Variants in CAMK1D observed in about 807,000 individuals in gnomAD.
CAMK1D encodes the protein calcium/calmodulin dependent protein kinase ID.
In CAMK1D, 9 loss-of-function variants were observed where a neutral mutation model predicts 47.7. That is an observed-to-expected ratio of 0.19 (90% CI 0.11 to 0.33). The LOEUF (loss-of-function observed/expected upper bound fraction) is 0.33, where lower values mean the gene tolerates loss of function less well. CAMK1D is among the 10% of genes least tolerant of loss of function. The probability of loss-of-function intolerance (pLI) is 1.00; values close to 1 mark genes in which losing one functional copy is unlikely to be tolerated. For missense variants in CAMK1D, 291 were observed against 488.7 expected (o/e 0.60, Z 3.81); for synonymous variants, 184 against 184.9 (o/e 0.99, Z 0.04).
At chr10:12,801,895 C>T (rs1012959778) in intron 6 of CAMK1D, among the ~76,000 whole-genome samples, 1 of 152,220 alleles carries the variant, frequency 6.6e-6, no homozygotes, top group African/African-American at 2.4e-5. Flanking sequence ...CCCAGTGTCA[C>T]TCACACAGTT....
intron 5 of CAMK1D, 118 bp downstream of exon 5, chr10:12,769,917 G>A: frequency 4.4e-6 from 5 of 1,124,754 alleles, no homozygotes; most frequent in Non-Finnish European, 6.4e-6. Context: ...TGTAATCACA[G>A]CTGCCTTCAC....
intron 6 of CAMK1D, among the ~76,000 whole-genome samples, chr10:12,810,717 C>G (rs7906777): frequency 3.3e-5 from 5 of 152,232 alleles, no homozygotes; most frequent in African/African-American, 1.2e-4. Context: ...GTCAGATTGA[C>G]TTCAACGCCC....
intron 1 of CAMK1D, among the ~76,000 whole-genome samples, chr10:12,389,567 C>G (rs1227910488): frequency 2.0e-5 from 3 of 152,078 alleles, no homozygotes; most frequent in Non-Finnish European, 4.4e-5. Context: ...ACAGACCTTG[C>G]TTCCTTCCCT....
intron 1 of CAMK1D, among the ~76,000 whole-genome samples, chr10:12,482,637 C>T (rs1017079914): frequency 2.0e-5 from 3 of 152,136 alleles, no homozygotes; most frequent in Non-Finnish European, 2.9e-5. Context: ...CCCCCATATG[C>T]GTGTATACGT....
In CAMK1D at chr10:12,574,497, T is replaced by TTTTTTA. The variant is rs368308201; in HGVS notation, c.224+21141_224+21142insTTTTTA. ...TTTTTTTTTTTTTTTTTTTTTTTTTTAGTAGAGACGGGGCTTCGCCATGTT... is the reference window on the plus strand; with the variant it reads ...TTTTTTTTTTTTTTTTTTTTTTTTTTTTTTTAAGTAGAGACGGGGCTTCGCCATGTT... On this transcript the variant is annotated intron_variant, in intron 2 of 10. Coordinates refer to ENST00000619168, the MANE Select transcript of CAMK1D (RefSeq NM_153498.4). Among the ~76,000 whole-genome samples, 85 of 128,766 alleles carry TTTTTTA rather than the reference T, an allele frequency of 6.6e-4. 6 individuals are homozygous for TTTTTTA. Among genetic ancestry groups the TTTTTTA allele is most frequent in the African/African-American group, 2.0e-3 (65 of 32,516 alleles). The allele number at this position is 128,766 out of a possible 152,430, so 84.5% of individuals were successfully genotyped here.
chr10:12,466,531 A>G (rs965876373), intron 1 of CAMK1D, among the ~76,000 whole-genome samples: 2 of 151,632 alleles, frequency 1.3e-5, no homozygotes, highest in African/African-American at 4.8e-5. Context: ...GCTGCAGTGA[A>G]CTATGATCAC....
intron 1 of CAMK1D, among the ~76,000 whole-genome samples, chr10:12,392,675 G>A (rs1000429648): frequency 3.3e-5 from 5 of 152,090 alleles, no homozygotes; most frequent in African/African-American, 1.2e-4. Flanking sequence ...AAAATCTACT[G>A]TCTTAGCAAT....
At chr10:12,721,434 C>T (rs1010354247) in intron 3 of CAMK1D, among the ~76,000 whole-genome samples, 5 of 152,152 alleles carry the variant, frequency 3.3e-5, no homozygotes, top group African/African-American at 1.2e-4. Flanking sequence ...CTGTTGGGAG[C>T]AGATCAAAAT....
chr10:12,389,212 G>A (rs1447319267), intron 1 of CAMK1D, among the ~76,000 whole-genome samples: 1 of 152,142 alleles, frequency 6.6e-6, no homozygotes, highest in Non-Finnish European at 1.5e-5. Flanking sequence ...GTCAGTTACT[G>A]CTTAAACTCC....
intron 1 of CAMK1D, among the ~76,000 whole-genome samples, chr10:12,459,509 A>AG (rs1471679757): frequency 1.3e-5 from 2 of 152,236 alleles, no homozygotes; most frequent in African/African-American, 4.8e-5. Context: ...AATTGAAAAA[A>AG]AAACCCACGC....
chr10:12,390,832 G>C (rs1363843032), intron 1 of CAMK1D, among the ~76,000 whole-genome samples: 1 of 152,176 alleles, frequency 6.6e-6, no homozygotes, highest in South Asian at 2.1e-4. Flanking sequence ...TACGGGTCCA[G>C]CTGTCCCCAC....
At chr10:12,352,983 T>C (rs1358649962) in intron 1 of CAMK1D, among the ~76,000 whole-genome samples, 1 of 152,076 alleles carries the variant, frequency 6.6e-6, no homozygotes, top group East Asian at 1.9e-4. Context: ...ATGATCCGCC[T>C]GCCTCGGCCT....
At chr10:12,641,938 T>G (rs183788515) in intron 2 of CAMK1D, among the ~76,000 whole-genome samples, 1 of 151,574 alleles carries the variant, frequency 6.6e-6, no homozygotes, top group African/African-American at 2.4e-5. Context: ...CCAGCTACTC[T>G]GGAGGCTGAA....
intron 1 of CAMK1D, among the ~76,000 whole-genome samples, chr10:12,363,387 C>G (rs899107364): frequency 2.6e-5 from 4 of 151,330 alleles, no homozygotes; most frequent in African/African-American, 7.3e-5. Context: ...TCCAAGTAGC[C>G]GGGATTACAG....
Position 12,832,481 on chromosome 10 carries a change from C to T in CAMK1D, c.*3594C>T, listed in dbSNP as rs1281517791. ...GCTGTGTTAGAGAAATGGCAACCCC[C>T]AGGACCATGCACGGCTCTGGCAGTG... On this transcript the variant is annotated 3_prime_UTR_variant, in exon 11 of 11. Coordinates refer to ENST00000619168, the MANE Select transcript of CAMK1D (RefSeq NM_153498.4). 3.3e-5 allele frequency: 5 copies of T among 152,284 alleles called. No homozygotes were observed. Among genetic ancestry groups the T allele is most frequent in the Non-Finnish European group, 1.5e-5 (1 of 68,104 alleles). 9.4% of individuals were successfully genotyped at this position (152,284 alleles called of 1,614,324 possible). A position where few individuals can be genotyped will look rare whatever the true frequency, so the allele number is the denominator to read the frequency against.
At chr10:12,749,623 G>C (rs999064353) in intron 3 of CAMK1D, among the ~76,000 whole-genome samples, 5 of 151,544 alleles carry the variant, frequency 3.3e-5, no homozygotes, top group African/African-American at 1.2e-4. Context: ...CAGTGGCACA[G>C]TCTCTGCTCA....
intron 1 of CAMK1D, among the ~76,000 whole-genome samples, chr10:12,458,462 G>T (rs910011315): frequency 1.2e-4 from 18 of 152,120 alleles, no homozygotes; most frequent in Non-Finnish European, 1.0e-4. Flanking sequence ...TGTCACCCAG[G>T]CTGGAGTGCA....
At chr10:12,495,799 T>A (rs1834520868) in intron 1 of CAMK1D, among the ~76,000 whole-genome samples, 2 of 152,202 alleles carry the variant, frequency 1.3e-5, no homozygotes, top group Admixed American at 6.6e-5. Flanking sequence ...TTGGTAAAAC[T>A]TTTTTCCTCA....
At position 12,559,031 on chromosome 10, in the gene CAMK1D, C is replaced by T. The variant is rs183683153; in HGVS notation, c.224+5675C>T. On this transcript the variant is annotated intron_variant, in intron 2 of 10. Coordinates refer to ENST00000619168, the MANE Select transcript of CAMK1D (RefSeq NM_153498.4). ...TAAAATCATACTGATTAGCCGGGCACGGTGAGTGGCTTATGCTTGTAATTG... is the reference window on the plus strand; with the variant it reads ...TAAAATCATACTGATTAGCCGGGCATGGTGAGTGGCTTATGCTTGTAATTG... 1.3e-3 allele frequency among the ~76,000 whole-genome samples: 200 copies of T among 152,054 alleles called. 1 individual carries two copies. The highest frequency in any genetic ancestry group is 2.2e-3 in the Non-Finnish European group (148 of 67,982).
Sources: allele counts gnomAD v4.1 joint callset (sites outside exome capture counted in the v4.1 genomes callset), GRCh38; gene constraint gnomAD v4.1.1; transcripts MANE v1.5; gene names NCBI Gene and HGNC (gene_info 2026-07-23, HGNC 2026-07-21).